NUP210: variants seen among roughly 807,000 people sequenced by gnomAD.
The protein encoded by NUP210 is nuclear pore membrane glycoprotein 210.
In NUP210, 151 loss-of-function variants were observed where a neutral mutation model predicts 196.0. The ratio of observed to expected loss-of-function variants is 0.77; its 90% CI spans 0.67 to 0.88. The LOEUF is 0.88. Ranked by LOEUF, NUP210 falls within the 40% of genes least tolerant of loss-of-function variation. NUP210 has a pLI of 0.00. For missense variants in NUP210, 2,314 were observed against 2,493.7 expected, an observed-to-expected ratio of 0.93 and a Z score of 1.53; for synonymous variants, 1,070 against 1,052.7, an observed-to-expected ratio of 1.02 and a Z score of -0.32.
intron 14 of NUP210, among the ~76,000 whole-genome samples, chr3:13,365,711 G>T (rs1345926887): frequency 1.3e-5 from 2 of 152,240 alleles, no homozygotes; most frequent in South Asian, 4.1e-4. Flanking sequence ...TGCCAAGCCT[G>T]CCAAGCGCTG....
At chr3:13,390,458 C>T (rs970188013) in intron 4 of NUP210, among the ~76,000 whole-genome samples, 16 of 152,346 alleles carry the variant, frequency 1.1e-4, no homozygotes, top group East Asian at 5.8e-4. Context: ...AGAGGACCCG[C>T]GTGGCTCTGC....
Position 13,351,623 on chromosome 3 carries a change from A to T in NUP210, c.2835+256T>A, listed in dbSNP as rs1697974236. On this transcript the variant is annotated intron_variant, in intron 20 of 39. Transcript: ENST00000254508. ...TGCCTCAGGTTCCTGTGTAGCTGGG[A>T]CCACAGGCCTGTGCTACCATGCCCA... The T allele has an allele frequency of 7.5e-6, 3 of 399,478 alleles. No individual in the cohort carries two copies. The South Asian group carries it at 8.6e-5, about 11-fold the overall frequency. The allele number at this position is 399,478 out of a possible 1,614,324, so 24.7% of individuals were successfully genotyped here.
intron 29 of NUP210, among the ~76,000 whole-genome samples, chr3:13,331,721 G>A (rs1697002169): frequency 6.6e-6 from 1 of 152,224 alleles, no homozygotes; most frequent in Non-Finnish European, 1.5e-5. Context: ...GTGTCCTGTG[G>A]CCCGTGGAGT....
intron 12 of NUP210, 146 bp downstream of exon 12, chr3:13,373,572 C>T (rs771052078): frequency 1.8e-5 from 13 of 732,176 alleles, no homozygotes; most frequent in Non-Finnish European, 2.5e-5. Flanking sequence ...GCCGTGAGCT[C>T]CTAAGGGAAG....
intron 35 of NUP210, 59 bp from the exon 36 acceptor site, chr3:13,321,894 T>A: frequency 6.4e-7 from 1 of 1,567,500 alleles, no homozygotes; most frequent in Non-Finnish European, 8.6e-7. Context: ...TGATGTCATT[T>A]CTTCTCCCTG....
intron 16 of NUP210, among the ~76,000 whole-genome samples, chr3:13,355,423 C>G (rs1698136151): frequency 6.6e-6 from 1 of 152,224 alleles, no homozygotes. Flanking sequence ...CAGCCCATGT[C>G]TTGGAATGAA....
chr3:13,360,682 G>C (rs1289920903), intron 14 of NUP210, among the ~76,000 whole-genome samples, 191 bp from the exon 15 acceptor site: 1 of 152,210 alleles, frequency 6.6e-6, no homozygotes, highest in Non-Finnish European at 1.5e-5. Context: ...GAGGAATGGG[G>C]TGTAGATAGA....
At chr3:13,344,851 C>T (rs893487251) in intron 20 of NUP210, 1 of 875,660 alleles carries the variant, frequency 1.1e-6, no homozygotes, top group African/African-American at 1.8e-5. Flanking sequence ...ACTCTTTCCC[C>T]AGCCTCCACC....
chr3:13,402,172 CTGAG>C (rs1287415798), intron 1 of NUP210, among the ~76,000 whole-genome samples: 16 of 152,184 alleles, frequency 1.1e-4, no homozygotes, highest in African/African-American at 3.9e-4. Flanking sequence ...TGCACTCTGC[CTGAG>C]TGAGAGAATG....
chr3:13,362,335 C>T (rs1423449275), intron 14 of NUP210, among the ~76,000 whole-genome samples: 1 of 152,184 alleles, frequency 6.6e-6, no homozygotes, highest in East Asian at 1.9e-4. Flanking sequence ...CCCTCAAAGG[C>T]CTCAGCTCCA....
At chr3:13,372,112 G>T in intron 12 of NUP210, 80 bp from the exon 13 acceptor site, 1 of 1,280,312 alleles carries the variant, frequency 7.8e-7, no homozygotes, top group Non-Finnish European at 1.1e-6. Flanking sequence ...CCTAAGTGCT[G>T]CTGTGTGCTG....
At chr3:13,400,419 A>G (rs1342084263) in intron 1 of NUP210, among the ~76,000 whole-genome samples, 1 of 152,176 alleles carries the variant, frequency 6.6e-6, no homozygotes, top group East Asian at 1.9e-4. Flanking sequence ...CACAGTGGGG[A>G]GACAGACAGA....
chr3:13,323,482 C>A lies in NUP210; in HGVS notation c.4645-50G>T. ...CATGGAGCGCCGCCTGTGTCCCGGT[C>A]CATGCTGGGCGTTTCCACAACCTCA... On this transcript the variant is annotated intron_variant, in intron 33 of 39. Coordinates refer to ENST00000254508, the MANE Select transcript of NUP210 (RefSeq NM_024923.4). The surrounding 1 kb of genome is among the most constrained non-coding windows in gnomAD (Gnocchi z 4.3). The A allele has an allele frequency of 3.1e-6, 5 of 1,603,438 alleles. No homozygotes were observed. The highest frequency in any genetic ancestry group is 4.3e-6 in the Non-Finnish European group (5 of 1,174,050).
intron 14 of NUP210, among the ~76,000 whole-genome samples, chr3:13,361,764 C>T (rs759446329): frequency 5.9e-5 from 9 of 152,206 alleles, no homozygotes; most frequent in African/African-American, 2.2e-4. Context: ...AACTATTCCA[C>T]GCACCCACGG....
intron 16 of NUP210, chr3:13,354,596 C>T: frequency 6.3e-6 from 1 of 158,048 alleles, no homozygotes. Context: ...ATTGCCATCC[C>T]CCACCCAGGC....
chr3:13,382,506 C>T (rs976222987), intron 6 of NUP210, among the ~76,000 whole-genome samples: 8 of 151,852 alleles, frequency 5.3e-5, no homozygotes, highest in Admixed American at 2.0e-4. Flanking sequence ...TGGCACAGAG[C>T]AGATGCTCAG....
In NUP210 at chr3:13,379,808, G is replaced by T; in HGVS notation, c.818-87C>A. 1 of 1,155,640 alleles carries T rather than the reference G, an allele frequency of 8.7e-7. No individual in the cohort carries two copies. Among genetic ancestry groups the T allele is most frequent in the South Asian group, 1.6e-5 (1 of 62,586 alleles). 71.6% of individuals were successfully genotyped at this position (1,155,640 alleles called of 1,614,324 possible). Reference sequence around the variant, plus strand: ...GCCAATACACTCCCACTGCCACCCCGAATCTCTGCACTCTGCTCTCAGTAC... The same window carrying T: ...GCCAATACACTCCCACTGCCACCCCTAATCTCTGCACTCTGCTCTCAGTAC... On this transcript the variant is annotated intron_variant, in intron 6 of 39. Transcript: ENST00000254508. The surrounding 1 kb of genome is among the most constrained non-coding windows in gnomAD (Gnocchi z 4.2).
intron 27 of NUP210, among the ~76,000 whole-genome samples, chr3:13,336,582 C>A (rs777848190): frequency 2.6e-5 from 4 of 152,130 alleles, no homozygotes; most frequent in African/African-American, 4.8e-5. Flanking sequence ...TTGGGAGAGG[C>A]ACCTACTCAC....
At chr3:13,406,869 C>T (rs1163454945) in intron 1 of NUP210, among the ~76,000 whole-genome samples, 2 of 145,768 alleles carry the variant, frequency 1.4e-5, no homozygotes, top group East Asian at 2.1e-4. Context: ...GCACACATGG[C>T]AGGTTTCATA....
Sources: gnomAD v4.1 joint callset for allele counts (sites outside exome capture counted in the v4.1 genomes callset) on GRCh38, gnomAD v4.1.1 for gene constraint, Gnocchi (gnomAD v3.1) non-coding constraint, MANE v1.5 for transcripts, NCBI Gene and HGNC (gene_info 2026-07-23, HGNC 2026-07-21) for gene names.